RUSF1: variants seen among roughly 807,000 people sequenced by gnomAD.
RUSF1 encodes the protein RUS1 family protein C16orf58.
RUSF1 carries 58 observed loss-of-function variants against 63.0 expected under a neutral mutation model. The observed-to-expected ratio is 0.92, with a 90% CI of 0.75 to 1.15. The LOEUF (loss-of-function observed/expected upper bound fraction) is 1.15, where lower values mean the gene tolerates loss of function less well. Among genes scored for constraint, RUSF1 ranks in the 50% most tolerant of loss-of-function variants. RUSF1 has a pLI of 0.00. For synonymous variants in RUSF1, 274 were observed against 255.8 expected (o/e 1.07, Z -0.68); for missense variants, 652 against 611.0 (o/e 1.07, Z -0.71).
At chr16:31,499,945 A>G (rs2082624247) in intron 3 of RUSF1, among the ~76,000 whole-genome samples, 1 of 152,176 alleles carries the variant, frequency 6.6e-6, no homozygotes, top group African/African-American at 2.4e-5. Flanking sequence ...GTTACAGACA[A>G]CTAGCCCTCA....
rs2082573147 is a variant in RUSF1, at chr16:31,492,099, G to C, written c.1232-13C>G. ...TCTTTCTTAGGACCTGGGTACGGGG[G>C]TGCAGAACCAGAAGCTCTGTGTCCT... On this transcript the variant is annotated splice_polypyrimidine_tract_variant and intron_variant, in intron 11 of 12. Transcript: ENST00000327237. 1.2e-6 allele frequency: 2 copies of C among 1,614,120 alleles called. No homozygotes were observed. The highest frequency in any genetic ancestry group is 1.7e-6 in the Non-Finnish European group (2 of 1,180,002).
Position 31,493,682 on chromosome 16 carries a change from C to T in RUSF1, c.879G>A (p.Arg293=). 1.2e-6 allele frequency: 2 copies of T among 1,614,238 alleles called. No homozygotes were observed. The highest frequency in any genetic ancestry group is 8.5e-7 in the Non-Finnish European group (1 of 1,180,046). Reference sequence around the variant, plus strand: ...TCTGAAGGTAGTGCTTCAGGACCAGCCGGAGCCGGCCTTCGTTCAAGGTCT... The same window carrying T: ...TCTGAAGGTAGTGCTTCAGGACCAGTCGGAGCCGGCCTTCGTTCAAGGTCT... ...VMETLNEGRL[R]LVLKHYLQRG... The change falls in exon 8 of 13, where the codon CGG becomes CGA. Residue 293 remains arginine, a synonymous_variant. Coordinates refer to ENST00000327237, the MANE Select transcript of RUSF1 (RefSeq NM_022744.4).
intron 2 of RUSF1, among the ~76,000 whole-genome samples, chr16:31,501,501 C>T (rs891398228): frequency 1.4e-4 from 21 of 150,384 alleles, no homozygotes; most frequent in East Asian, 5.9e-4. Flanking sequence ...GAGGCTGAGG[C>T]GGAAGGATGG....
chr16:31,492,972 A>G lies in RUSF1; in HGVS notation c.1087+6T>C, dbSNP rs200179583. 4.4e-6 allele frequency: 7 copies of G among 1,606,028 alleles called. No individual in the cohort carries two copies. In the African/African-American group the frequency reaches 9.4e-5, roughly 21 times the overall value. The stretch of plus-strand genomic sequence containing the variant: ...GTCTTAGGCTGGGAGAATGAGGCAC[A>G]CTCACTTTGTGACTGGTCCCAGCAG... On this transcript the variant is annotated splice_donor_region_variant and intron_variant, in intron 10 of 12. Transcript: ENST00000327237.
At chr16:31,500,892 A>G (rs1030991452) in intron 2 of RUSF1, among the ~76,000 whole-genome samples, 161 bp from the exon 3 acceptor site, 4 of 152,238 alleles carry the variant, frequency 2.6e-5, no homozygotes, top group African/African-American at 7.2e-5. Context: ...TAATGGGGTC[A>G]GAAGTGCCTA....
At chr16:31,502,441 T>G (rs1031735883) in intron 2 of RUSF1, among the ~76,000 whole-genome samples, 1 of 152,148 alleles carries the variant, frequency 6.6e-6, no homozygotes, top group African/African-American at 2.4e-5. Flanking sequence ...ATCCTGAGAC[T>G]TTGGGAGGGA....
At chr16:31,491,957 C>T in intron 12 of RUSF1, 52 bp downstream of exon 12, 1 of 1,599,172 alleles carries the variant, frequency 6.3e-7, no homozygotes, top group Non-Finnish European at 8.6e-7. Context: ...AAGGCGGGGC[C>T]CCCAGGGACA....
intron 2 of RUSF1, among the ~76,000 whole-genome samples, chr16:31,505,630 A>T (rs1037976414): frequency 2.0e-5 from 3 of 152,096 alleles, no homozygotes; most frequent in African/African-American, 7.2e-5. Flanking sequence ...CACGGTGAGG[A>T]TGTGGGAGGG....
chr16:31,500,527 T>C (rs1338488536), intron 3 of RUSF1, among the ~76,000 whole-genome samples, 159 bp downstream of exon 3: 2 of 152,178 alleles, frequency 1.3e-5, no homozygotes, highest in Non-Finnish European at 2.9e-5. Context: ...GTAGCTAGTG[T>C]TTACTGAGCC....
chr16:31,493,758 G>A lies in RUSF1; in HGVS notation c.803C>T (p.Thr268Ile), dbSNP rs376015632. 2 of 1,614,148 alleles carry A rather than the reference G, an allele frequency of 1.2e-6. No homozygotes were observed. Among genetic ancestry groups the A allele is most frequent in the African/African-American group, 1.3e-5 (1 of 74,958 alleles). The part of the protein sequence containing the change: ...GFSLGCFFFL[T>I]ALHIYANYRA... Reference sequence around the variant, plus strand: ...GTAGTTGGCGTAGATGTGGAGGGCAGTGAGGAAGAAGAAACATCCAAGGCT... The same window carrying A: ...GTAGTTGGCGTAGATGTGGAGGGCAATGAGGAAGAAGAAACATCCAAGGCT... The change falls in exon 8 of 13, where the codon ACT becomes ATT. Residue 268 changes from threonine (T) to isoleucine (I), a missense_variant. Thr to Ile is a moderately conservative substitution (Grantham distance 89). Transcript: ENST00000327237.
chr16:31,498,541 C>T (rs1046773160), intron 5 of RUSF1, among the ~76,000 whole-genome samples: 5 of 152,140 alleles, frequency 3.3e-5, no homozygotes, highest in Admixed American at 3.3e-4. Flanking sequence ...CTCCTCTGGG[C>T]CAGGGACTTA....
chr16:31,493,059 G>A lies in RUSF1; in HGVS notation c.1017-11C>T. The A allele has an allele frequency of 6.2e-7, 1 of 1,613,458 alleles. No individual in the cohort carries two copies. Among genetic ancestry groups the A allele is most frequent in the Admixed American group, 1.7e-5 (1 of 59,966 alleles). On this transcript the variant is annotated splice_polypyrimidine_tract_variant and intron_variant, in intron 9 of 12. Transcript: ENST00000327237. The stretch of plus-strand genomic sequence containing the variant: ...TGCAGCTCAAAGACACTGTGGGGGA[G>A]AGGACAGTGCAGTGGGGGTGGAGGA...
At chr16:31,496,765 T>C (rs1348776784) in intron 6 of RUSF1, 84 bp downstream of exon 6, 10 of 1,190,476 alleles carry the variant, frequency 8.4e-6, no homozygotes, top group African/African-American at 1.6e-5. Flanking sequence ...TTCCTGTGTG[T>C]TCCTGGGCCC....
chr16:31,492,108 CAGA>C, intron 11 of RUSF1, 22 bp from the exon 12 acceptor site: 2 of 1,614,128 alleles, frequency 1.2e-6, no homozygotes, highest in Non-Finnish European at 1.7e-6. Flanking sequence ...GGTGCAGAAC[CAGA>C]AGCTCTGTGT....
intron 10 of RUSF1, 112 bp downstream of exon 10, chr16:31,492,866 C>A (rs879109866): frequency 8.7e-5 from 90 of 1,039,914 alleles, no homozygotes; most frequent in African/African-American, 7.4e-4. Flanking sequence ...TCTAGAGCAA[C>A]CCCCAGAACA....
At chr16:31,499,237 C>G in intron 5 of RUSF1, 65 bp downstream of exon 5, 3 of 1,397,518 alleles carry the variant, frequency 2.1e-6, no homozygotes, top group Non-Finnish European at 1.0e-6. Context: ...TCACAGAGCC[C>G]AGGTAAACTC....
intron 2 of RUSF1, among the ~76,000 whole-genome samples, chr16:31,503,724 G>A (rs1243940892): frequency 2.0e-5 from 3 of 151,670 alleles, no homozygotes; most frequent in Non-Finnish European, 2.9e-5. Context: ...GTGCAATGGC[G>A]CAATCTCGGC....
At chr16:31,504,335 C>T (rs752904022) in intron 2 of RUSF1, among the ~76,000 whole-genome samples, 31 of 152,234 alleles carry the variant, frequency 2.0e-4, no homozygotes, top group Admixed American at 5.9e-4. Flanking sequence ...GTGGCACTAT[C>T]TCGGTTCAGT....
rs1483530928 is a variant in RUSF1, at chr16:31,492,244, C to A, written c.1184G>T (p.Gly395Val). 1.9e-6 allele frequency: 3 copies of A among 1,613,254 alleles called. No homozygotes were observed. The South Asian group carries it at 3.3e-5, about 18-fold the overall frequency. ...GLMLGALQGD[G>V]PLPAELEELR... The stretch of plus-strand genomic sequence containing the variant: ...CTCCTCCAGCTCTGCTGGAAGGGGT[C>A]CATCTCCCTGCAGGGCCCCAAGCAT... Residue 395 changes from glycine to valine, a missense_variant, in exon 11 of 13, where the codon GGA becomes GTA. Coordinates refer to ENST00000327237, the MANE Select transcript of RUSF1 (RefSeq NM_022744.4).
Sources: allele counts gnomAD v4.1 joint callset (sites outside exome capture counted in the v4.1 genomes callset), GRCh38; gene constraint gnomAD v4.1.1; transcripts MANE v1.5; gene names NCBI Gene and HGNC (gene_info 2026-07-23, HGNC 2026-07-21).